Variants in SRPX observed in about 807,000 individuals in gnomAD.
SRPX encodes sushi repeat-containing protein SRPX.
In SRPX, 24 loss-of-function variants were observed where a neutral mutation model predicts 38.1. That is an observed-to-expected ratio of 0.63 (90% CI 0.46 to 0.89). The LOEUF (loss-of-function observed/expected upper bound fraction) is 0.89. SRPX is among the 40% of genes least tolerant of loss of function. The pLI is 0.00. For missense variants in SRPX, 416 were observed against 377.8 expected (o/e 1.10, Z -0.84); for synonymous variants, 184 against 153.8 (o/e 1.20, Z -1.45).
rs140718323 is a variant in SRPX at position 38,161,216 on chromosome X, A to G, written c.654-162T>C. Among the ~76,000 whole-genome samples, 167 of 111,590 alleles carry G rather than the reference A, an allele frequency of 1.5e-3. 2 individuals carry two copies. The highest frequency in any genetic ancestry group is 5.5e-4 in the Non-Finnish European group (29 of 53,139). On this transcript the variant is annotated intron_variant, in intron 5 of 9. Transcript: ENST00000378533. ...TGAAGAATAGAATCTCCTAAGCTTT[A>G]GTCTGTTTTAGAAGAGCAGTTTGTG... is the stretch of plus-strand genomic sequence containing the variant.
At chrX:38,160,851 G>A in intron 6 of SRPX, 82 bp downstream of exon 6, 2 of 1,120,070 alleles carry the variant, frequency 1.8e-6, no homozygotes, top group South Asian at 4.4e-5. Flanking sequence ...GTAGGCACTT[G>A]AGAGAGTTCT....
chrX:38,150,777 T>A lies in SRPX; in HGVS notation c.1212-883A>T, dbSNP rs753396658. 8.9e-5 allele frequency among the ~76,000 whole-genome samples: 10 copies of A among 112,205 alleles called. No homozygotes were observed. In the East Asian group the frequency reaches 2.8e-3, roughly 31 times the overall value. On this transcript the variant is annotated intron_variant, in intron 9 of 9. Transcript: ENST00000378533. Reference sequence around the variant, plus strand: ...AATAATTCCAAAAAAGAATATGAAGTGGTTTCAAGTGTCTGGTGTTCTTTC... The same window carrying A: ...AATAATTCCAAAAAAGAATATGAAGAGGTTTCAAGTGTCTGGTGTTCTTTC...
chrX:38,211,341 A>G (rs1349898970), intron 1 of SRPX, among the ~76,000 whole-genome samples: 1 of 111,949 alleles, frequency 8.9e-6, no homozygotes, highest in African/African-American at 3.3e-5. Flanking sequence ...ATCAAAATAC[A>G]CAGAGGCGGA....
At chrX:38,151,984 C>CA (rs1218261788) in intron 9 of SRPX, among the ~76,000 whole-genome samples, 1 of 111,254 alleles carries the variant, frequency 9.0e-6, no homozygotes, top group Non-Finnish European at 1.9e-5. Context: ...GGTGACCCTG[C>CA]AACCCCAGGC....
At chrX:38,213,152 G>T (rs1236664576) in intron 1 of SRPX, among the ~76,000 whole-genome samples, 1 of 112,071 alleles carries the variant, frequency 8.9e-6, no homozygotes, top group African/African-American at 3.2e-5. Flanking sequence ...TTTATGGAAG[G>T]TCAATTGTAG....
intron 1 of SRPX, among the ~76,000 whole-genome samples, chrX:38,178,698 C>A (rs1216874211): frequency 9.0e-6 from 1 of 111,619 alleles, no homozygotes; most frequent in Non-Finnish European, 1.9e-5. Flanking sequence ...GTGCATCAGA[C>A]ACAGTCCACA....
At chrX:38,158,944 C>T (rs1363489857) in intron 7 of SRPX, among the ~76,000 whole-genome samples, 1 of 111,070 alleles carries the variant, frequency 9.0e-6, no homozygotes. Flanking sequence ...CGCGCCACTG[C>T]ACTCTAGCCT....
chrX:38,160,141 G>A lies in SRPX; in HGVS notation c.831C>T (p.Ser277=), dbSNP rs377733865. 5.9e-5 allele frequency: 72 copies of A among 1,210,423 alleles called. No homozygotes were observed. The highest frequency in any genetic ancestry group is 2.3e-4 in the African/African-American group (13 of 57,364). The part of the protein sequence containing the change: ...APENGYMKCS[S]DGDNYGATCE... ...AGGTGGCTCCATAATTATCACCGTC[G>A]CTGGAGCACTTCATGTAACCATTCT... is the stretch of plus-strand genomic sequence containing the variant. Residue 277 remains serine (S), a synonymous_variant, in exon 7 of 10, where the codon AGC becomes AGT. Transcript: ENST00000378533.
intron 9 of SRPX, among the ~76,000 whole-genome samples, chrX:38,151,933 C>A (rs899722373): frequency 2.7e-5 from 3 of 110,700 alleles, no homozygotes; most frequent in African/African-American, 6.6e-5. Flanking sequence ...CAGATCATAC[C>A]TCCAGATAAA....
chrX:38,158,747 G>A (rs1281359519), intron 7 of SRPX, among the ~76,000 whole-genome samples: 3 of 111,711 alleles, frequency 2.7e-5, no homozygotes, highest in East Asian at 2.8e-4. Flanking sequence ...TTGGGAGGCC[G>A]AGGCGTGCAG....
At chrX:38,177,906 GTACAT>G (rs1217642169) in intron 2 of SRPX, among the ~76,000 whole-genome samples, 4 of 112,134 alleles carry the variant, frequency 3.6e-5, no homozygotes, top group African/African-American at 1.3e-4. Context: ...ATTCATCTTA[GTACAT>G]TATCAGCACT....
chrX:38,202,945 G>T (rs775323588), intron 1 of SRPX, among the ~76,000 whole-genome samples: 3 of 112,235 alleles, frequency 2.7e-5, no homozygotes, highest in Non-Finnish European at 5.6e-5. Flanking sequence ...TTACTCTGAT[G>T]CCAAAACCAG....
chrX:38,149,979 A>G, intron 9 of SRPX, 85 bp from the exon 10 acceptor site: 1 of 843,891 alleles, frequency 1.2e-6, no homozygotes. Context: ...TTACTGTGAC[A>G]GTGTGCAGAG....
intron 1 of SRPX, among the ~76,000 whole-genome samples, chrX:38,185,060 C>A (rs898573961): frequency 1.8e-5 from 2 of 111,928 alleles, no homozygotes; most frequent in African/African-American, 6.5e-5. Flanking sequence ...AGGCCTAGAC[C>A]TAACTTTTTA....
intron 7 of SRPX, among the ~76,000 whole-genome samples, chrX:38,158,239 A>T (rs6521056): frequency 0.34 from 38,243 of 110,905 alleles, 5,916 homozygotes; most frequent in African/African-American, 0.59. Flanking sequence ...AACACAGGCA[A>T]ACAGGACATG....
chrX:38,161,157 C>T (rs1938250288), intron 5 of SRPX, 103 bp from the exon 6 acceptor site: 12 of 918,196 alleles, frequency 1.3e-5, no homozygotes, highest in Non-Finnish European at 1.6e-5. Context: ...TGAGGGGCAA[C>T]CATTAGACCA....
At chrX:38,158,009 G>A (rs754604233) in intron 7 of SRPX, among the ~76,000 whole-genome samples, 1 of 112,346 alleles carries the variant, frequency 8.9e-6, no homozygotes, top group African/African-American at 3.2e-5. Flanking sequence ...GACAGACCCA[G>A]TTAATTGCAG....
Position 38,212,134 on chromosome X carries a change from G to A in SRPX, c.97+8562C>T, listed in dbSNP as rs745863592. Among the ~76,000 whole-genome samples the A allele has an allele frequency of 1.2e-4, 14 of 112,218 alleles. No individual in the cohort carries two copies. The Admixed American group carries it at 1.3e-3, about 11-fold the overall frequency. Reference sequence around the variant, plus strand: ...TAGCTGCAGGAAAAAGCCATGCAAGGCCCCTGTTACCAATCAGCCTGAAGA... The same window carrying A: ...TAGCTGCAGGAAAAAGCCATGCAAGACCCCTGTTACCAATCAGCCTGAAGA... On this transcript the variant is annotated intron_variant, in intron 1 of 9. Coordinates refer to ENST00000378533, the MANE Select transcript of SRPX (RefSeq NM_006307.5).
chrX:38,164,493 C>A (rs978436386), intron 5 of SRPX, among the ~76,000 whole-genome samples: 1 of 112,478 alleles, frequency 8.9e-6, no homozygotes, highest in Non-Finnish European at 1.9e-5. Flanking sequence ...TCATTCACCA[C>A]CCCTTATTTC....
Sources: allele counts gnomAD v4.1 joint callset (sites outside exome capture counted in the v4.1 genomes callset), GRCh38; gene constraint gnomAD v4.1.1; transcripts MANE v1.5; gene names NCBI Gene and HGNC (gene_info 2026-07-23, HGNC 2026-07-21).